AKAP12: variants seen among roughly 807,000 people sequenced by gnomAD.
AKAP12 encodes the protein A-kinase anchor protein 12.
In AKAP12, 32 loss-of-function variants were observed where a neutral mutation model predicts 79.9. The ratio of observed to expected loss-of-function variants is 0.40; its 90% confidence interval spans 0.30 to 0.54. The LOEUF (loss-of-function observed/expected upper bound fraction) is 0.54. Among genes scored for constraint, AKAP12 ranks in the 20% least tolerant of loss-of-function variants. AKAP12 has a pLI of 0.48. For synonymous variants in AKAP12, 808 were observed against 857.0 expected, an observed-to-expected ratio of 0.94 and a Z score of 1.00; for missense variants, 2,074 against 2,177.0, an observed-to-expected ratio of 0.95 and a Z score of 0.94.
chr6:151,262,686 T>C (rs1289729796), intron 2 of AKAP12, among the ~76,000 whole-genome samples: 1 of 152,210 alleles, frequency 6.6e-6, no homozygotes, highest in South Asian at 2.1e-4. Context: ...ATGAATTAAC[T>C]AAAGTTTAGA....
chr6:151,269,887 C>T (rs1339590122), intron 2 of AKAP12, among the ~76,000 whole-genome samples: 1 of 152,162 alleles, frequency 6.6e-6, no homozygotes, highest in African/African-American at 2.4e-5. Flanking sequence ...TTTCCCACTC[C>T]CCTCATTCCC....
intron 2 of AKAP12, among the ~76,000 whole-genome samples, chr6:151,296,389 T>G (rs187880850): frequency 6.4e-4 from 98 of 152,372 alleles, no homozygotes; most frequent in African/African-American, 2.3e-3. Context: ...ATTTTTCTTT[T>G]GCAGATTGCC....
At chr6:151,325,491 C>T in intron 3 of AKAP12, 21 of 985,306 alleles carry the variant, frequency 2.1e-5, no homozygotes, top group Non-Finnish European at 2.5e-5. Context: ...GAGCCCAGCT[C>T]GGGGGAGGGC....
At chr6:151,292,480 G>C (rs1371561352) in intron 2 of AKAP12, among the ~76,000 whole-genome samples, 1 of 152,188 alleles carries the variant, frequency 6.6e-6, no homozygotes, top group Admixed American at 6.5e-5. Flanking sequence ...TCCCACCCCT[G>C]TTGGTACCAA....
At chr6:151,285,775 C>G (rs923073875) in intron 2 of AKAP12, among the ~76,000 whole-genome samples, 5 of 146,500 alleles carry the variant, frequency 3.4e-5, no homozygotes, top group African/African-American at 1.3e-4. Context: ...ATGCTCTAAA[C>G]TTAAAGCACA....
At chr6:151,283,783 A>G (rs2114727391) in intron 2 of AKAP12, among the ~76,000 whole-genome samples, 1 of 152,334 alleles carries the variant, frequency 6.6e-6, no homozygotes, top group East Asian at 1.9e-4. Flanking sequence ...AGAGCTCAGA[A>G]GCTGTCACTG....
In AKAP12 at chr6:151,350,641, T is replaced by TA; in HGVS notation, c.2251dup (p.Thr751AsnfsTer13). On this transcript the variant is annotated frameshift_variant, in exon 4 of 5. Coordinates refer to ENST00000402676, the MANE Select transcript of AKAP12 (RefSeq NM_005100.4). LOFTEE classifies it high-confidence loss of function. This position sits in a 1 kb window ranked among gnomAD's most constrained non-coding sequence, Gnocchi z 4.8. ...CCTCCCCGGAGCAAGCTGGAAGCCC[T>TA]ACCGAAGGGGAGGGCGTTTCCACCT... The TA allele has an allele frequency of 2.5e-6, 4 of 1,613,936 alleles. No homozygotes were observed. The highest frequency in any genetic ancestry group is 3.4e-6 in the Non-Finnish European group (4 of 1,180,004).
chr6:151,298,272 C>T (rs1235368516), intron 2 of AKAP12, among the ~76,000 whole-genome samples: 1 of 152,166 alleles, frequency 6.6e-6, no homozygotes, highest in Non-Finnish European at 1.5e-5. Context: ...GATGCCTTTG[C>T]CATTTGCCAG....
chr6:151,308,101 C>G (rs1326028268), intron 3 of AKAP12, among the ~76,000 whole-genome samples: 2 of 152,076 alleles, frequency 1.3e-5, no homozygotes, highest in African/African-American at 4.8e-5. Flanking sequence ...TTTCGAACTT[C>G]TGACCTCAAG....
chr6:151,325,867 G>C, intron 3 of AKAP12: 1 of 1,614,148 alleles, frequency 6.2e-7, no homozygotes, highest in Non-Finnish European at 8.5e-7. Context: ...AAATATGCTG[G>C]GGACCATCAC....
chr6:151,272,364 A>C (rs959442568), intron 2 of AKAP12, among the ~76,000 whole-genome samples: 7 of 151,692 alleles, frequency 4.6e-5, no homozygotes, highest in Admixed American at 3.9e-4. Flanking sequence ...AAAAAACAAA[A>C]AAAACAGTGG....
chr6:151,348,682 C>CCCCA, intron 3 of AKAP12, 29 bp from the exon 4 acceptor site: 2 of 198,918 alleles, frequency 1.0e-5, no homozygotes, highest in South Asian at 5.6e-5. Context: ...TTCTCTTCTC[C>CCCCA]CCACCCCCCC....
chr6:151,256,963 A>ATATATATATATATATAT (rs1562709082), intron 2 of AKAP12, among the ~76,000 whole-genome samples: 1 of 81,280 alleles, frequency 1.2e-5, no homozygotes, highest in African/African-American at 7.4e-5. Flanking sequence ...TATATATATA[A>ATATATATATATATATAT]ACTTTAAATT....
intron 2 of AKAP12, among the ~76,000 whole-genome samples, chr6:151,245,093 T>C (rs1032604025): frequency 6.6e-6 from 1 of 152,206 alleles, no homozygotes; most frequent in African/African-American, 2.4e-5. Context: ...AAATAAAATG[T>C]TTTGTTTTTA....
At chr6:151,324,122 C>T (rs1412784777) in intron 3 of AKAP12, 2 of 985,240 alleles carry the variant, frequency 2.0e-6, no homozygotes, top group African/African-American at 3.5e-5. Flanking sequence ...CACACACCAG[C>T]CTCATTATTA....
chr6:151,343,492 C>T (rs1259637704), intron 3 of AKAP12, among the ~76,000 whole-genome samples: 1 of 152,092 alleles, frequency 6.6e-6, no homozygotes, highest in African/African-American at 2.4e-5. Flanking sequence ...GCAAAAAGTT[C>T]TTTTGTGACC....
At chr6:151,259,507 TATATACACACACACACACACAC>T (rs1486275048) in intron 2 of AKAP12, among the ~76,000 whole-genome samples, 17 of 122,482 alleles carry the variant, frequency 1.4e-4, no homozygotes, top group Non-Finnish European at 1.1e-4. Context: ...CATGTATATA[TATATACACACACACACACACAC>T]ACACACACAC....
intron 3 of AKAP12, among the ~76,000 whole-genome samples, chr6:151,312,022 T>G (rs1777117049): frequency 6.6e-6 from 1 of 152,176 alleles, no homozygotes; most frequent in Non-Finnish European, 1.5e-5. Flanking sequence ...TTGATTCCTT[T>G]TCTATTTCAG....
chr6:151,262,164 T>TGGTCTCAGGTGATCCACC (rs1797451841), intron 2 of AKAP12, among the ~76,000 whole-genome samples: 1 of 152,116 alleles, frequency 6.6e-6, no homozygotes, highest in Non-Finnish European at 1.5e-5. Flanking sequence ...TTGGTCACAC[T>TGGTCTCAGGTGATCCACC]GGTCTCAGGT....
Sources: gnomAD v4.1 joint callset for allele counts (sites outside exome capture counted in the v4.1 genomes callset) on GRCh38, gnomAD v4.1.1 for gene constraint, Gnocchi (gnomAD v3.1) non-coding constraint, MANE v1.5 for transcripts, NCBI Gene and HGNC (gene_info 2026-07-23, HGNC 2026-07-21) for gene names.